Variants in SYT2 observed in about 807,000 individuals in gnomAD.
The protein encoded by SYT2 is synaptotagmin 2.
Under a neutral mutation model 39.9 loss-of-function variants are expected in SYT2, and 15 were observed. The ratio of observed to expected loss-of-function variants is 0.38; its 90% CI spans 0.25 to 0.58. The LOEUF (loss-of-function observed/expected upper bound fraction) is 0.58, where lower values mean the gene tolerates loss of function less well. Among genes scored for constraint, SYT2 ranks in the 20% least tolerant of loss-of-function variants. The pLI, the probability that SYT2 is intolerant of heterozygous loss-of-function variation, is 0.70. For missense variants in SYT2, 389 were observed against 530.3 expected (o/e 0.73, Z 2.62); for synonymous variants, 181 against 204.5 (o/e 0.89, Z 0.98).
intron 1 of SYT2, among the ~76,000 whole-genome samples, chr1:202,664,216 A>G (rs1250342157): frequency 6.6e-6 from 1 of 152,134 alleles, no homozygotes; most frequent in Non-Finnish European, 1.5e-5. Context: ...CTAATAGTCC[A>G]TGAGGCTCCT....
chr1:202,673,324 A>G (rs1653222598), intron 1 of SYT2, among the ~76,000 whole-genome samples: 2 of 152,218 alleles, frequency 1.3e-5, no homozygotes, highest in African/African-American at 4.8e-5. Flanking sequence ...GTTAAAAGGT[A>G]CGTGAAAATG....
At chr1:202,665,811 T>G (rs1439267419) in intron 1 of SYT2, among the ~76,000 whole-genome samples, 1 of 152,236 alleles carries the variant, frequency 6.6e-6, no homozygotes, top group Non-Finnish European at 1.5e-5. Flanking sequence ...AATGGAGATT[T>G]GTGATCATGA....
At chr1:202,659,307 G>A (rs2149105094) in intron 1 of SYT2, among the ~76,000 whole-genome samples, 1 of 152,242 alleles carries the variant, frequency 6.6e-6, no homozygotes, top group Admixed American at 6.5e-5. Context: ...CGTTAAAAAG[G>A]TGATGAGTTC....
At chr1:202,701,617 G>A (rs959425374) in intron 1 of SYT2, among the ~76,000 whole-genome samples, 2 of 152,184 alleles carry the variant, frequency 1.3e-5, no homozygotes, top group African/African-American at 4.8e-5. Flanking sequence ...GACGGGTGCA[G>A]TGTGATACTA....
intron 1 of SYT2, among the ~76,000 whole-genome samples, chr1:202,615,695 T>C (rs934358313): frequency 2.6e-5 from 4 of 152,196 alleles, no homozygotes; most frequent in African/African-American, 9.7e-5. Context: ...AGTCACGCAG[T>C]TCCTGCCATG....
At chr1:202,640,721 T>G (rs1283399012) in intron 1 of SYT2, among the ~76,000 whole-genome samples, 1 of 141,874 alleles carries the variant, frequency 7.0e-6, no homozygotes, top group Non-Finnish European at 1.5e-5. Flanking sequence ...TACTGCAGAA[T>G]GGTCCTAATG....
chr1:202,674,338 T>C (rs1203935881), intron 1 of SYT2, among the ~76,000 whole-genome samples: 4 of 152,040 alleles, frequency 2.6e-5, no homozygotes, highest in Non-Finnish European at 5.9e-5. Flanking sequence ...CTGACCTCAG[T>C]TAATCCGCCC....
intron 1 of SYT2, among the ~76,000 whole-genome samples, chr1:202,667,466 CGTGTGTGTGTGTGTGTGTGTGT>C (rs35072265): frequency 9.2e-5 from 13 of 140,744 alleles, no homozygotes; most frequent in East Asian, 2.1e-4. Flanking sequence ...AGTGACCAGC[CGTGTGTGTGTGTGTGTGTGTGT>C]GTGTGTGTGT....
At chr1:202,606,409 C>A (rs1436544701) in intron 1 of SYT2, among the ~76,000 whole-genome samples, 1 of 152,158 alleles carries the variant, frequency 6.6e-6, no homozygotes, top group Non-Finnish European at 1.5e-5. Flanking sequence ...CTCTTTCAAC[C>A]TCTCTCCTTG....
In SYT2 at chr1:202,596,831, G is replaced by A. The variant is rs771191387; in HGVS notation, c.1186C>T (p.Arg396Trp). 12 of 1,614,036 alleles carry A rather than the reference G, an allele frequency of 7.4e-6. No homozygotes were observed. The highest frequency in any genetic ancestry group is 1.7e-5 in the Admixed American group (1 of 60,028). The change falls in exon 9 of 9, where the codon CGG becomes TGG. Residue 396 changes from arginine (R) to tryptophan (W), a missense_variant. Around this residue, in one of 4 missense-constraint regions of SYT2, gnomAD observed 84 missense variants for 123.1 expected, o/e 0.68. Transcript: ENST00000367268. ...GAGTGCCACTGGGCGATGGGCCTCC[G>A]GGGGTTGGCCAGCATGTCGGACCAG... ...RHWSDMLANP[R>W]RPIAQWHSLK...
chr1:202,600,305 G>C (rs1382324114), intron 7 of SYT2, 52 bp downstream of exon 7: 4 of 1,485,400 alleles, frequency 2.7e-6, no homozygotes, highest in Admixed American at 3.4e-5. Flanking sequence ...GGGACTTGGT[G>C]CTGACTGGCT....
intron 1 of SYT2, among the ~76,000 whole-genome samples, chr1:202,631,532 C>T (rs749065224): frequency 1.3e-5 from 2 of 152,186 alleles, no homozygotes; most frequent in Non-Finnish European, 2.9e-5. Flanking sequence ...AATCACACCA[C>T]ATCTTTGTGG....
intron 1 of SYT2, among the ~76,000 whole-genome samples, chr1:202,619,289 T>TGTCTGGTCAGAATCACCC (rs1406241313): frequency 1.3e-5 from 2 of 152,104 alleles, no homozygotes; most frequent in African/African-American, 4.8e-5. Context: ...AGTGAACTCC[T>TGTCTGGTCAGAATCACCC]CTGTCTGGTC....
Position 202,603,130 on chromosome 1 carries a change from G to A in SYT2, c.346-12C>T, listed in dbSNP as rs1411618205. 6.2e-7 allele frequency: 1 copy of A among 1,613,812 alleles called. No individual in the cohort carries two copies. Among genetic ancestry groups the A allele is most frequent in the Non-Finnish European group, 8.5e-7 (1 of 1,179,882 alleles). On this transcript the variant is annotated splice_polypyrimidine_tract_variant and intron_variant, in intron 3 of 8. Coordinates refer to ENST00000367268, the MANE Select transcript of SYT2 (RefSeq NM_177402.5). ...GCGTCGTCGTCATCCTGTGGGAGCT[G>A]GGGGAGAGAGGGAACAAGTTAAAAG... is the stretch of plus-strand genomic sequence containing the variant.
At chr1:202,604,410 TG>T in intron 3 of SYT2, 44 bp downstream of exon 3, 5 of 1,595,540 alleles carry the variant, frequency 3.1e-6, no homozygotes, top group Non-Finnish European at 3.4e-6. Context: ...CAGGAAAGCC[TG>T]GGCTGAGCCC....
At chr1:202,708,465 T>TG (rs1421593202) in intron 1 of SYT2, among the ~76,000 whole-genome samples, 1 of 151,898 alleles carries the variant, frequency 6.6e-6, no homozygotes, top group Non-Finnish European at 1.5e-5. Flanking sequence ...GCCAAGCCTC[T>TG]GGGGGGAGTC....
In SYT2 at chr1:202,609,569, A is replaced by C. The variant is rs1233181998; in HGVS notation, c.-17-3780T>G. On this transcript the variant is annotated intron_variant, in intron 1 of 8. Coordinates refer to ENST00000367268, the MANE Select transcript of SYT2 (RefSeq NM_177402.5). ...AGCACCTGTTGTTTCCTGACTTTTT[A>C]ATGATCGCCATTCTAACTGGTGTGA... is the stretch of plus-strand genomic sequence containing the variant. 2.6e-5 allele frequency among the ~76,000 whole-genome samples: 4 copies of C among 152,248 alleles called. 1 individual carries two copies. The South Asian group carries it at 8.3e-4, about 32-fold the overall frequency.
intron 1 of SYT2, among the ~76,000 whole-genome samples, chr1:202,605,996 AT>A (rs796600519): frequency 3.9e-4 from 58 of 148,032 alleles, no homozygotes; most frequent in East Asian, 5.9e-4. Flanking sequence ...ATCTTTAGAA[AT>A]TTTTTTTTTT....
At position 202,647,833 on chromosome 1, in the gene SYT2, C is replaced by G. The variant is rs1172102627; in HGVS notation, c.-17-42044G>C. On this transcript the variant is annotated intron_variant, in intron 1 of 8. Coordinates refer to ENST00000367268, the MANE Select transcript of SYT2 (RefSeq NM_177402.5). ...CTCCCTGCTCCTCCTTCCCCCTCCT[C>G]CCTCCCCCTCCAAATCACTGAGCCA... Among the ~76,000 whole-genome samples the G allele has an allele frequency of 2.6e-5, 4 of 152,158 alleles. 1 individual carries two copies. Among genetic ancestry groups the G allele is most frequent in the Non-Finnish European group, 2.9e-5 (2 of 68,030 alleles).
Sources: gnomAD v4.1 joint callset for allele counts (sites outside exome capture counted in the v4.1 genomes callset) on GRCh38, gnomAD v4.1.1 for gene constraint, gnomAD v4.1.1 regional missense constraint, MANE v1.5 for transcripts, NCBI Gene and HGNC (gene_info 2026-07-23, HGNC 2026-07-21) for gene names.